Variants in TXNDC12 observed in about 807,000 individuals in gnomAD.
TXNDC12 encodes the protein thioredoxin domain containing 12, also known as thioredoxin domain-containing protein 12.
Under a neutral mutation model 24.2 loss-of-function variants are expected in TXNDC12, and 22 were observed. That is an observed-to-expected ratio of 0.91 (90% confidence interval 0.65 to 1.30). The LOEUF is 1.30. Ranked by LOEUF, TXNDC12 falls within the 50% of genes most tolerant of loss-of-function variation. The pLI, the probability that TXNDC12 is intolerant of heterozygous loss-of-function variation, is 0.00. For missense variants in TXNDC12, 184 were observed against 205.8 expected, an observed-to-expected ratio of 0.89 and a Z score of 0.65; for synonymous variants, 58 against 73.4, an observed-to-expected ratio of 0.79 and a Z score of 1.07.
At chr1:52,038,921 C>A (rs541649187) in intron 2 of TXNDC12, among the ~76,000 whole-genome samples, 4 of 94,492 alleles carry the variant, frequency 4.2e-5, no homozygotes, top group South Asian at 6.6e-4. Context: ...TTTTTTTTTA[C>A]GCAATTGGTC....
chr1:52,026,960 C>T (rs923887547), intron 4 of TXNDC12, among the ~76,000 whole-genome samples: 7 of 151,838 alleles, frequency 4.6e-5, no homozygotes, highest in Admixed American at 6.6e-5. Flanking sequence ...TGATTTAACC[C>T]GGGAGGAGGA....
chr1:52,035,654 G>A (rs553118371), intron 2 of TXNDC12, among the ~76,000 whole-genome samples: 2 of 152,318 alleles, frequency 1.3e-5, no homozygotes, highest in East Asian at 3.9e-4. Flanking sequence ...GGAGGTTGCA[G>A]TGAGCCTAGA....
At chr1:52,052,718 C>G (rs578023816) in intron 1 of TXNDC12, 1 of 152,478 alleles carries the variant, frequency 6.6e-6, no homozygotes, top group South Asian at 2.1e-4. Flanking sequence ...TATTACACAA[C>G]AATGGTAACT....
chr1:52,035,135 T>C (rs1685858372), intron 2 of TXNDC12, among the ~76,000 whole-genome samples: 1 of 152,196 alleles, frequency 6.6e-6, no homozygotes, highest in Non-Finnish European at 1.5e-5. Flanking sequence ...CATGAAACTG[T>C]TGGATCTCTT....
intron 1 of TXNDC12, among the ~76,000 whole-genome samples, chr1:52,048,976 C>T (rs1686150098): frequency 6.6e-6 from 1 of 152,148 alleles, no homozygotes; most frequent in African/African-American, 2.4e-5. Context: ...CCTAGAACAG[C>T]ACTGTAAAGT....
chr1:52,053,081 T>C (rs930212149), intron 1 of TXNDC12, among the ~76,000 whole-genome samples: 2 of 111,126 alleles, frequency 1.8e-5, no homozygotes, highest in Admixed American at 2.1e-4. Context: ...CCATCTCTAC[T>C]AAAAATACAA....
chr1:52,051,614 G>A (rs914284365), intron 1 of TXNDC12, among the ~76,000 whole-genome samples: 2 of 152,092 alleles, frequency 1.3e-5, no homozygotes, highest in Non-Finnish European at 2.9e-5. Flanking sequence ...CCTGACCTCA[G>A]GTGATTGACC....
At chr1:52,045,435 T>C (rs888576587) in intron 1 of TXNDC12, among the ~76,000 whole-genome samples, 6 of 152,160 alleles carry the variant, frequency 3.9e-5, no homozygotes, top group Admixed American at 6.5e-5. Flanking sequence ...GGTGGGCCCT[T>C]ATCCTTATGA....
intron 6 of TXNDC12, among the ~76,000 whole-genome samples, 191 bp from the exon 7 acceptor site, chr1:52,021,203 A>G (rs1052235838): frequency 2.0e-5 from 3 of 152,236 alleles, no homozygotes; most frequent in Non-Finnish European, 2.9e-5. Flanking sequence ...TTATAAAATG[A>G]AATAATGTAA....
At chr1:52,025,019 CT>C (rs1685652684) in intron 4 of TXNDC12, among the ~76,000 whole-genome samples, 1 of 152,174 alleles carries the variant, frequency 6.6e-6, no homozygotes, top group African/African-American at 2.4e-5. Flanking sequence ...TTCTAAAATA[CT>C]TATTTTCTGT....
intron 2 of TXNDC12, 141 bp from the exon 3 acceptor site, chr1:52,028,771 ATTG>A: frequency 1.4e-6 from 1 of 721,986 alleles, no homozygotes; most frequent in Non-Finnish European, 2.4e-6. Context: ...ATAATAGATA[ATTG>A]CTGTAACAAA....
intron 4 of TXNDC12, 53 bp from the exon 5 acceptor site, chr1:52,024,632 AAACCATTC>A: frequency 1.4e-6 from 2 of 1,439,620 alleles, no homozygotes; most frequent in Non-Finnish European, 1.9e-6. Flanking sequence ...TCTCTCCTCA[AAACCATTC>A]AGTGGCTTCC....
At position 52,054,943 on chromosome 1, in the gene TXNDC12, T is replaced by A; in HGVS notation, c.97+57A>T. The A allele has an allele frequency of 3.7e-6, 5 of 1,340,742 alleles. No homozygotes were observed. The South Asian group carries it at 5.9e-5, about 16-fold the overall frequency. 83.1% of individuals were successfully genotyped at this position (1,340,742 alleles called of 1,614,324 possible). A position where few individuals can be genotyped will look rare whatever the true frequency, so the allele number is the denominator to read the frequency against. ...GAACGGTGCTAGGGCAAGAAGAGAT[T>A]ATACTGGGATCAGTATAGTAAAGAT... On this transcript the variant is annotated intron_variant, in intron 1 of 6. Coordinates refer to ENST00000371626, the MANE Select transcript of TXNDC12 (RefSeq NM_015913.4).
chr1:52,028,518 A>T, intron 3 of TXNDC12, 60 bp downstream of exon 3: 2 of 1,384,494 alleles, frequency 1.4e-6, no homozygotes, highest in East Asian at 2.3e-5. Flanking sequence ...AATATTTGTT[A>T]AATGTTAATA....
At chr1:52,049,322 G>A (rs1050632211) in intron 1 of TXNDC12, among the ~76,000 whole-genome samples, 1 of 152,102 alleles carries the variant, frequency 6.6e-6, no homozygotes, top group Admixed American at 6.5e-5. Context: ...ATAGTCCACT[G>A]TGGCTGGGCG....
chr1:52,041,103 CG>C (rs936910584), intron 2 of TXNDC12, among the ~76,000 whole-genome samples: 30 of 151,904 alleles, frequency 2.0e-4, no homozygotes, highest in South Asian at 1.0e-3. Context: ...GAGGCCGAGG[CG>C]GGTGGATCAT....
upstream of TXNDC12, chr1:52,055,634 C>T (rs1215495703): frequency 1.3e-5 from 2 of 156,928 alleles, no homozygotes; most frequent in Non-Finnish European, 2.8e-5. Flanking sequence ...CTGCGAGGGT[C>T]TCTGAGGAGA....
rs1299735447 is a variant in TXNDC12 at position 52,042,104 on chromosome 1, C to T, written c.98-507G>A. The stretch of plus-strand genomic sequence containing the variant: ...TCCTCCTTCATCTGTAAAAGCAAGA[C>T]AATAAGACCTACCTCCAAGTGTTAG... On this transcript the variant is annotated intron_variant, in intron 1 of 6. Transcript: ENST00000371626. 2.0e-5 allele frequency among the ~76,000 whole-genome samples: 3 copies of T among 152,250 alleles called. No individual in the cohort carries two copies. In the South Asian group the frequency reaches 6.2e-4, roughly 32 times the overall value.
At chr1:52,033,779 A>G (rs746144140) in intron 2 of TXNDC12, 5 of 1,555,424 alleles carry the variant, frequency 3.2e-6, no homozygotes, top group South Asian at 1.2e-5. Context: ...GGGAGCGACC[A>G]TTGGCAACCG....
Sources: allele counts gnomAD v4.1 joint callset (sites outside exome capture counted in the v4.1 genomes callset), GRCh38; gene constraint gnomAD v4.1.1; transcripts MANE v1.5; gene names NCBI Gene and HGNC (gene_info 2026-07-23, HGNC 2026-07-21).